The following SOX6 variants were observed in gnomAD, a reference collection of about 807,000 sequenced individuals.
SOX6 encodes SRY-box transcription factor 6, also known as transcription factor SOX-6.
In SOX6, 11 loss-of-function variants were observed where a neutral mutation model predicts 97.8. The ratio of observed to expected loss-of-function variants is 0.11; its 90% CI spans 0.07 to 0.19. SOX6 has a LOEUF of 0.19. SOX6 is among the 10% of genes least tolerant of loss of function. The pLI, the probability that SOX6 is intolerant of heterozygous loss-of-function variation, is 1.00. For missense variants in SOX6, 810 were observed against 1,039.5 expected, an observed-to-expected ratio of 0.78 and a Z score of 3.04; for synonymous variants, 360 against 371.4, an observed-to-expected ratio of 0.97 and a Z score of 0.35.
At chr11:16,403,612 A>G (rs529482597) in intron 1 of SOX6, among the ~76,000 whole-genome samples, 54 of 151,802 alleles carry the variant, frequency 3.6e-4, no homozygotes, top group Non-Finnish European at 6.0e-4. Flanking sequence ...CTACAGTAAC[A>G]TAAGATAAGA....
At chr11:16,159,985 T>C (rs1161454193) in intron 6 of SOX6, among the ~76,000 whole-genome samples, 7 of 152,100 alleles carry the variant, frequency 4.6e-5, no homozygotes, top group Non-Finnish European at 1.0e-4. Flanking sequence ...GGGACTAACA[T>C]ACCAGAAATG....
intron 1 of SOX6, among the ~76,000 whole-genome samples, chr11:16,377,221 T>C (rs1478031080): frequency 6.6e-6 from 1 of 152,072 alleles, no homozygotes; most frequent in Admixed American, 6.6e-5. Context: ...AGTGATTAAG[T>C]AGATAAATAA....
intron 9 of SOX6, among the ~76,000 whole-genome samples, chr11:16,073,719 T>A (rs1848279572): frequency 6.6e-6 from 1 of 151,852 alleles, no homozygotes; most frequent in African/African-American, 2.4e-5. Context: ...GTTAAAAAAA[T>A]AACAAAATCA....
chr11:16,369,719 G>A (rs558562618), intron 1 of SOX6, among the ~76,000 whole-genome samples: 37 of 152,248 alleles, frequency 2.4e-4, no homozygotes, highest in African/African-American at 8.7e-4. Context: ...CATTCACAGT[G>A]TATATGCCAG....
chr11:16,155,625 T>G (rs1317743082), intron 6 of SOX6, among the ~76,000 whole-genome samples: 1 of 152,146 alleles, frequency 6.6e-6, no homozygotes, highest in African/African-American at 2.4e-5. Flanking sequence ...TTACAGTATC[T>G]AGTACATAGT....
chr11:16,589,649 A>T (rs1269052506), intron 4 of SOX6, among the ~76,000 whole-genome samples: 1 of 152,172 alleles, frequency 6.6e-6, no homozygotes, highest in Non-Finnish European at 1.5e-5. Context: ...TCTGACAAAA[A>T]ATAAGCCAAA....
upstream of SOX6, among the ~76,000 whole-genome samples, chr11:16,359,761 A>C (rs1857162207): frequency 6.6e-6 from 1 of 152,230 alleles, no homozygotes; most frequent in Admixed American, 6.5e-5. Context: ...GAAATATCAA[A>C]GAAGAAGAGA....
chr11:16,089,203 C>CTTA (rs1299100215), intron 9 of SOX6, among the ~76,000 whole-genome samples: 2 of 152,114 alleles, frequency 1.3e-5, no homozygotes, highest in Non-Finnish European at 2.9e-5. Flanking sequence ...GGTTCCATTT[C>CTTA]TTAGTCCATT....
chr11:16,725,662 G>A (rs1293970346), intron 2 of SOX6, among the ~76,000 whole-genome samples: 10 of 152,118 alleles, frequency 6.6e-5, no homozygotes. Flanking sequence ...AAACAAGGAG[G>A]AGGGATGGCT....
At chr11:16,645,741 G>A (rs1849003767) in intron 3 of SOX6, among the ~76,000 whole-genome samples, 3 of 152,168 alleles carry the variant, frequency 2.0e-5, no homozygotes, top group Non-Finnish European at 4.4e-5. Flanking sequence ...CTAAGAAGAG[G>A]CAAGGAAGGA....
intron 4 of SOX6, among the ~76,000 whole-genome samples, chr11:16,552,213 T>C (rs1232483771): frequency 1.3e-5 from 2 of 151,972 alleles, no homozygotes; most frequent in African/African-American, 2.4e-5. Context: ...AACACAGGAG[T>C]TAAGTGTTCC....
At chr11:16,701,000 C>G (rs1005120684) in intron 3 of SOX6, among the ~76,000 whole-genome samples, 10 of 152,302 alleles carry the variant, frequency 6.6e-5, no homozygotes, top group African/African-American at 2.4e-4. Context: ...ATCTGACAAT[C>G]AAATAACCAG....
intron 3 of SOX6, among the ~76,000 whole-genome samples, chr11:16,712,084 C>CAT (rs1239851133): frequency 7.1e-6 from 1 of 140,606 alleles, no homozygotes; most frequent in African/African-American, 2.9e-5. Context: ...TCCATACACA[C>CAT]ACACACACAC....
intron 3 of SOX6, among the ~76,000 whole-genome samples, chr11:16,243,471 G>A (rs567752518): frequency 2.0e-5 from 3 of 151,626 alleles, no homozygotes; most frequent in Non-Finnish European, 4.4e-5. Flanking sequence ...AAAAGATCAA[G>A]ACTATTGTGT....
chr11:16,487,400 T>C (rs556829678), intron 4 of SOX6, among the ~76,000 whole-genome samples: 2 of 152,196 alleles, frequency 1.3e-5, no homozygotes, highest in East Asian at 3.9e-4. Context: ...CAAAGCATAA[T>C]CCCAGACCTC....
intron 3 of SOX6, among the ~76,000 whole-genome samples, chr11:16,288,518 T>C (rs1241878297): frequency 6.6e-6 from 1 of 152,064 alleles, no homozygotes; most frequent in African/African-American, 2.4e-5. Flanking sequence ...GTTCTAAAGC[T>C]AGAATTTTCT....
chr11:16,637,714 C>T (rs907069252), intron 3 of SOX6, among the ~76,000 whole-genome samples: 2 of 152,076 alleles, frequency 1.3e-5, no homozygotes, highest in African/African-American at 4.8e-5. Flanking sequence ...ATTCCAAGGT[C>T]ACGGATATGT....
intron 3 of SOX6, among the ~76,000 whole-genome samples, chr11:16,299,633 G>A (rs753845317): frequency 6.6e-6 from 1 of 152,084 alleles, no homozygotes; most frequent in Non-Finnish European, 1.5e-5. Context: ...ACTACGATAG[G>A]TAAGAGGAGA....
In SOX6 at chr11:15,968,882, G is replaced by A. The variant is rs888248054; in HGVS notation, c.*3927C>T. On this transcript the variant is annotated 3_prime_UTR_variant, in exon 16 of 16. Transcript: ENST00000683767. ...AACCGAGGTGCTTCTAAAAGGCTGA[G>A]CTGGGTACACATGAAAACAACAAAG... is the stretch of plus-strand genomic sequence containing the variant. 7.7e-4 allele frequency: 118 copies of A among 152,296 alleles called. No individual in the cohort carries two copies. Among genetic ancestry groups the A allele is most frequent in the African/African-American group, 2.7e-3 (111 of 41,546 alleles). The allele number at this position is 152,296 out of a possible 1,614,324, so 9.4% of individuals were successfully genotyped here. A position where few individuals can be genotyped will look rare whatever the true frequency, so the allele number is the denominator to read the frequency against.
Sources: gnomAD v4.1 joint callset for allele counts (sites outside exome capture counted in the v4.1 genomes callset) on GRCh38, gnomAD v4.1.1 for gene constraint, MANE v1.5 for transcripts, NCBI Gene and HGNC (gene_info 2026-07-23, HGNC 2026-07-21) for gene names.